Variants in ABCA1 observed in about 807,000 individuals in gnomAD.
ABCA1 encodes the protein ATP binding cassette subfamily A member 1.
ABCA1 carries 133 observed loss-of-function variants against 262.5 expected under a neutral mutation model. That is an observed-to-expected ratio of 0.51 (90% CI 0.44 to 0.59). The LOEUF (loss-of-function observed/expected upper bound fraction) is 0.59. ABCA1 is among the 20% of genes least tolerant of loss of function. ABCA1 has a pLI of 0.00. For missense variants in ABCA1, 2,452 were observed against 2,777.5 expected (o/e 0.88, Z 2.63); for synonymous variants, 1,022 against 1,043.5 (o/e 0.98, Z 0.40).
chr9:104,786,260 C>G, intron 48 of ABCA1, 38 bp downstream of exon 48: 2 of 1,500,292 alleles, frequency 1.3e-6, no homozygotes, highest in South Asian at 2.3e-5. Flanking sequence ...ATCAAGCCTT[C>G]TCACTAGGCA....
rs1445476961 is a variant in ABCA1, at chr9:104,782,258, C to T, written c.*2057G>A. On this transcript the variant is annotated 3_prime_UTR_variant, in exon 50 of 50. Coordinates refer to ENST00000374736, the MANE Select transcript of ABCA1 (RefSeq NM_005502.4). ...ATATCACTAGTTATTGGAAATATGC[C>T]TTCATTACTTATATTTAAAATCAAT... is the stretch of plus-strand genomic sequence containing the variant. 6.6e-6 allele frequency: 1 copy of T among 151,952 alleles called. No individual in the cohort carries two copies. The highest frequency in any genetic ancestry group is 1.9e-4 in the East Asian group (1 of 5,188). 9.4% of individuals were successfully genotyped at this position (151,952 alleles called of 1,614,324 possible).
At chr9:104,812,187 A>T (rs1451562790) in intron 28 of ABCA1, among the ~76,000 whole-genome samples, 5 of 152,222 alleles carry the variant, frequency 3.3e-5, no homozygotes, top group African/African-American at 9.7e-5. Flanking sequence ...CTCTCATGTT[A>T]TGACAGCTGA....
rs147097674 is a variant in ABCA1, at chr9:104,803,494, G to A, written c.4560-178C>T. ...GAAGCCTGTGTTCAGGCCTCTTCCA[G>A]CCTTCTCTCCATCATAAATACCCTA... is the stretch of plus-strand genomic sequence containing the variant. On this transcript the variant is annotated intron_variant, in intron 32 of 49. Transcript: ENST00000374736. 1.2e-4 allele frequency among the ~76,000 whole-genome samples: 18 copies of A among 152,302 alleles called. No homozygotes were observed. In the East Asian group the frequency reaches 3.5e-3, roughly 29 times the overall value.
At chr9:104,917,589 G>A (rs146704815) in intron 1 of ABCA1, among the ~76,000 whole-genome samples, 17,061 of 151,706 alleles carry the variant, frequency 0.11, 1,192 homozygotes, top group African/African-American at 0.2. Flanking sequence ...CCCCATCTCT[G>A]CTAAAAATAC....
At chr9:104,821,181 T>C (rs1353567850) in intron 20 of ABCA1, among the ~76,000 whole-genome samples, 194 bp downstream of exon 20, 5 of 151,962 alleles carry the variant, frequency 3.3e-5, no homozygotes, top group African/African-American at 1.2e-4. Context: ...AGGCCAAGGT[T>C]GCAGTGAGCC....
chr9:104,894,252 ATC>A (rs1840013482), intron 2 of ABCA1, among the ~76,000 whole-genome samples: 1 of 152,216 alleles, frequency 6.6e-6, no homozygotes, highest in Admixed American at 6.5e-5. Flanking sequence ...GTTCCTGGAT[ATC>A]TCTGCAGCCC....
chr9:104,862,061 CACACACACACACACAT>C (rs1302798656), intron 5 of ABCA1, among the ~76,000 whole-genome samples: 2 of 149,406 alleles, frequency 1.3e-5, no homozygotes, highest in African/African-American at 4.9e-5. Flanking sequence ...CACACACACA[CACACACACACACACAT>C]ACACACACAC....
At chr9:104,791,784 C>G (rs529926980) in intron 43 of ABCA1, 152 bp downstream of exon 43, 2 of 714,582 alleles carry the variant, frequency 2.8e-6, no homozygotes, top group African/African-American at 3.5e-5. Context: ...CATACAGGGT[C>G]CCTCTCTTCT....
At chr9:104,895,966 C>A (rs1466821641) in intron 2 of ABCA1, among the ~76,000 whole-genome samples, 1 of 152,190 alleles carries the variant, frequency 6.6e-6, no homozygotes, top group Non-Finnish European at 1.5e-5. Flanking sequence ...ATAATGCACT[C>A]CGCGCTGAAA....
At chr9:104,868,808 C>A (rs1298207722) in intron 5 of ABCA1, among the ~76,000 whole-genome samples, 5 of 152,154 alleles carry the variant, frequency 3.3e-5, no homozygotes, top group African/African-American at 1.2e-4. Context: ...TGGGACCAAG[C>A]CGGGGAACCA....
rs1434723009 is a variant in ABCA1, at chr9:104,824,538, G to A, written c.2583C>T (p.Thr861=). The A allele has an allele frequency of 1.9e-6, 3 of 1,614,022 alleles. No individual in the cohort carries two copies. The highest frequency in any genetic ancestry group is 2.5e-6 in the Non-Finnish European group (3 of 1,180,022). The part of the protein sequence containing the change: ...GIPRPWYFPC[T]KSYWFGEESD... The stretch of plus-strand genomic sequence containing the variant: ...TTTCCTCGCCAAACCAGTAGGACTT[G>A]GTGCAAGGAAAATACCAGGGCCTGG... Residue 861 remains threonine, a synonymous_variant, in exon 18 of 50, where the codon ACC becomes ACT. Transcript: ENST00000374736.
At chr9:104,792,369 A>T (rs958122306) in intron 42 of ABCA1, among the ~76,000 whole-genome samples, 1 of 152,210 alleles carries the variant, frequency 6.6e-6, no homozygotes, top group Non-Finnish European at 1.5e-5. Flanking sequence ...ACAGATTCCA[A>T]AAAAGTAAAA....
chr9:104,879,021 G>A (rs541429241), intron 5 of ABCA1, among the ~76,000 whole-genome samples: 38 of 151,748 alleles, frequency 2.5e-4, no homozygotes, highest in African/African-American at 9.0e-4. Flanking sequence ...GCTGCAGTGA[G>A]CCAAGATTGC....
chr9:104,884,578 T>G lies in ABCA1; in HGVS notation c.161-10A>C. Reference sequence around the variant, plus strand: ...TTATTTGGAAAATGGCCTGTTGAAATCGAGGAGTAGAAAAACACAGGGAGA... The same window carrying G: ...TTATTTGGAAAATGGCCTGTTGAAAGCGAGGAGTAGAAAAACACAGGGAGA... On this transcript the variant is annotated splice_polypyrimidine_tract_variant and intron_variant, in intron 3 of 49. Transcript: ENST00000374736. 3.7e-6 allele frequency: 6 copies of G among 1,614,124 alleles called. No homozygotes were observed. The highest frequency in any genetic ancestry group is 5.1e-6 in the Non-Finnish European group (6 of 1,179,990).
At chr9:104,863,636 A>G (rs1160353023) in intron 5 of ABCA1, among the ~76,000 whole-genome samples, 1 of 152,220 alleles carries the variant, frequency 6.6e-6, no homozygotes, top group Non-Finnish European at 1.5e-5. Flanking sequence ...AAACTTCAGT[A>G]ATATTGAGTT....
chr9:104,789,514 CT>C (rs1465435123), intron 44 of ABCA1, among the ~76,000 whole-genome samples: 24 of 152,198 alleles, frequency 1.6e-4, no homozygotes, highest in African/African-American at 4.8e-4. Flanking sequence ...GGCTATCCCC[CT>C]GTCCAGTGTG....
intron 37 of ABCA1, among the ~76,000 whole-genome samples, chr9:104,797,314 T>A (rs1829981676): frequency 6.6e-6 from 1 of 152,182 alleles, no homozygotes; most frequent in African/African-American, 2.4e-5. Flanking sequence ...TAATTTAATA[T>A]GGATAAATAT....
In ABCA1 at chr9:104,784,284, A is replaced by C. The variant is rs1472145497; in HGVS notation, c.*31T>G. The stretch of plus-strand genomic sequence containing the variant: ...GCAAAGGAAAGTCTAGTTCCTCTTT[A>C]CTTTCAGCCACCCCGTATGAACAGG... On this transcript the variant is annotated 3_prime_UTR_variant, in exon 50 of 50. Transcript: ENST00000374736. The C allele has an allele frequency of 6.2e-7, 1 of 1,613,752 alleles. No individual in the cohort carries two copies. Among genetic ancestry groups the C allele is most frequent in the African/African-American group, 1.3e-5 (1 of 75,016 alleles).
chr9:104,893,374 A>G (rs1839925029), intron 2 of ABCA1, among the ~76,000 whole-genome samples: 1 of 138,404 alleles, frequency 7.2e-6, no homozygotes, highest in African/African-American at 2.7e-5. Flanking sequence ...GTGAGCCAAG[A>G]TCGCTCCATT....
Sources: gnomAD v4.1 joint callset for allele counts (sites outside exome capture counted in the v4.1 genomes callset) on GRCh38, gnomAD v4.1.1 for gene constraint, MANE v1.5 for transcripts, NCBI Gene and HGNC (gene_info 2026-07-23, HGNC 2026-07-21) for gene names.